The following NRXN3 variants were observed in gnomAD, a reference collection of about 807,000 sequenced individuals.
The protein encoded by NRXN3 is neurexin 3.
Under a neutral mutation model 137.6 loss-of-function variants are expected in NRXN3, and 32 were observed. The ratio of observed to expected loss-of-function variants is 0.23; its 90% CI spans 0.18 to 0.31. NRXN3 has a LOEUF of 0.31. Among genes scored for constraint, NRXN3 ranks in the 10% least tolerant of loss-of-function variants. The pLI, the probability that NRXN3 is intolerant of heterozygous loss-of-function variation, is 1.00. For synonymous variants in NRXN3, 798 were observed against 784.5 expected (o/e 1.02, Z -0.29); for missense variants, 1,574 against 2,062.5 (o/e 0.76, Z 4.59).
chr14:78,685,258 C>G (rs1310130029), intron 6 of NRXN3, among the ~76,000 whole-genome samples: 1 of 152,168 alleles, frequency 6.6e-6, no homozygotes, highest in African/African-American at 2.4e-5. Flanking sequence ...GGATCTCCCT[C>G]TCTCCCAAGT....
chr14:78,961,022 TTTTTTTTTGGTTCCAGA>T (rs1379101599), intron 11 of NRXN3, among the ~76,000 whole-genome samples: 1 of 151,992 alleles, frequency 6.6e-6, no homozygotes, highest in East Asian at 1.9e-4. Context: ...ATTTTTTTTT[TTTTTTTTTGGTTCCAGA>T]AACTTTTTTT....
chr14:78,381,238 G>A (rs1230351689), intron 4 of NRXN3, among the ~76,000 whole-genome samples: 2 of 152,124 alleles, frequency 1.3e-5, no homozygotes, highest in Non-Finnish European at 1.5e-5. Context: ...TAACCAAAGA[G>A]TTTCTTAGGC....
intron 15 of NRXN3, among the ~76,000 whole-genome samples, chr14:79,402,780 G>T (rs752212499): frequency 1.1e-4 from 17 of 152,168 alleles, no homozygotes; most frequent in Non-Finnish European, 1.5e-5. Flanking sequence ...CAAAACAATT[G>T]TATGTTGAAT....
chr14:79,539,662 G>C (rs941066358), intron 16 of NRXN3, among the ~76,000 whole-genome samples: 1 of 152,144 alleles, frequency 6.6e-6, no homozygotes, highest in Non-Finnish European at 1.5e-5. Context: ...ATAAGGACTA[G>C]AGAAAAGATG....
chr14:79,774,187 G>A (rs2099089360), intron 19 of NRXN3, among the ~76,000 whole-genome samples: 1 of 152,158 alleles, frequency 6.6e-6, no homozygotes, highest in South Asian at 2.1e-4. Context: ...TGGTTTATAT[G>A]TTGATCACTG....
At chr14:79,561,840 A>T (rs2097501005) in intron 16 of NRXN3, among the ~76,000 whole-genome samples, 1 of 152,196 alleles carries the variant, frequency 6.6e-6, no homozygotes, top group Non-Finnish European at 1.5e-5. Flanking sequence ...AGGAGCTTCG[A>T]AAGACTGAAT....
intron 4 of NRXN3, among the ~76,000 whole-genome samples, chr14:78,504,339 T>G (rs2095939678): frequency 6.6e-6 from 1 of 152,224 alleles, no homozygotes. Context: ...GATTATTGAC[T>G]GACATTAGCA....
At chr14:79,755,610 A>G (rs1434188836) in intron 19 of NRXN3, among the ~76,000 whole-genome samples, 3 of 150,398 alleles carry the variant, frequency 2.0e-5, no homozygotes, top group Non-Finnish European at 3.0e-5. Context: ...TCAACTCCCT[A>G]CCATTCTTAT....
chr14:78,201,256 G>A (rs1434347294), intron 1 of NRXN3, among the ~76,000 whole-genome samples: 1 of 152,168 alleles, frequency 6.6e-6, no homozygotes, highest in Non-Finnish European at 1.5e-5. Context: ...CGAGATCGTA[G>A]CCAAAACAGG....
At chr14:79,141,973 C>A (rs1233159792) in intron 15 of NRXN3, among the ~76,000 whole-genome samples, 1 of 152,082 alleles carries the variant, frequency 6.6e-6, no homozygotes, top group Admixed American at 6.6e-5. Context: ...AGAATCTCAG[C>A]CATCAAAATA....
intron 15 of NRXN3, among the ~76,000 whole-genome samples, chr14:79,384,490 T>A (rs2153458760): frequency 6.6e-6 from 1 of 152,262 alleles, no homozygotes; most frequent in South Asian, 2.1e-4. Context: ...AGAAAAACAG[T>A]TAAATTTGGT....
At chr14:78,664,682 C>A (rs1295756556) in intron 6 of NRXN3, among the ~76,000 whole-genome samples, 1 of 152,192 alleles carries the variant, frequency 6.6e-6, no homozygotes, top group Non-Finnish European at 1.5e-5. Context: ...CTATAGCTCT[C>A]AGTTCAAAAC....
intron 15 of NRXN3, among the ~76,000 whole-genome samples, chr14:79,078,342 G>A (rs1393066154): frequency 6.6e-6 from 1 of 152,098 alleles, no homozygotes; most frequent in African/African-American, 2.4e-5. Context: ...GATCTGTGGT[G>A]GTAGATACCA....
intron 15 of NRXN3, among the ~76,000 whole-genome samples, chr14:79,265,231 C>CTTT (rs936690790): frequency 7.7e-4 from 71 of 91,852 alleles, no homozygotes; most frequent in African/African-American, 2.1e-3. Flanking sequence ...GGGGGTTGCT[C>CTTT]TTTTTTTTTT....
intron 4 of NRXN3, among the ~76,000 whole-genome samples, chr14:78,305,144 C>T (rs1046001411): frequency 1.5e-4 from 23 of 152,172 alleles, no homozygotes; most frequent in African/African-American, 5.6e-4. Flanking sequence ...ACCCTTGGCA[C>T]TACCTTCGGA....
At chr14:79,138,926 G>A (rs2058520909) in intron 15 of NRXN3, among the ~76,000 whole-genome samples, 1 of 152,184 alleles carries the variant, frequency 6.6e-6, no homozygotes, top group Admixed American at 6.5e-5. Context: ...ATTAGACAAA[G>A]CTATTATGGA....
chr14:78,172,911 C>T (rs545996726), intron 1 of NRXN3, among the ~76,000 whole-genome samples: 1 of 152,058 alleles, frequency 6.6e-6, no homozygotes, highest in African/African-American at 2.4e-5. Context: ...GTTTTGACGG[C>T]GTTCTGGCCT....
In NRXN3 at chr14:79,098,730, C is replaced by T. The variant is rs147773524; in HGVS notation, c.3262+110589C>T. On this transcript the variant is annotated intron_variant, in intron 15 of 20. Coordinates refer to ENST00000335750, the MANE Select transcript of NRXN3 (RefSeq NM_001330195.2). ...ATGGTGCCTGCAAGAGGAAACTCATCGGAGTGCTTTCATCAGCAAGGAACT... is the reference window on the plus strand; with the variant it reads ...ATGGTGCCTGCAAGAGGAAACTCATTGGAGTGCTTTCATCAGCAAGGAACT... 6.1e-3 allele frequency among the ~76,000 whole-genome samples: 932 copies of T among 152,278 alleles called. 10 individuals carry two copies. Among genetic ancestry groups the T allele is most frequent in the African/African-American group, 0.021 (885 of 41,566 alleles).
At chr14:79,219,915 T>A (rs888474295) in intron 15 of NRXN3, among the ~76,000 whole-genome samples, 1 of 152,198 alleles carries the variant, frequency 6.6e-6, no homozygotes, top group Admixed American at 6.5e-5. Flanking sequence ...TTCAGAGTGA[T>A]ACATTCAAGC....
Sources: allele counts gnomAD v4.1 joint callset (sites outside exome capture counted in the v4.1 genomes callset), GRCh38; gene constraint gnomAD v4.1.1; transcripts MANE v1.5; gene names NCBI Gene and HGNC (gene_info 2026-07-23, HGNC 2026-07-21).